The following ATP6V0D1 variants were observed in gnomAD, a reference collection of about 807,000 sequenced individuals.
ATP6V0D1 encodes ATPase H+ transporting V0 subunit d1.
Under a neutral mutation model 39.0 loss-of-function variants are expected in ATP6V0D1, and 13 were observed. The ratio of observed to expected loss-of-function variants is 0.33; its 90% confidence interval spans 0.22 to 0.53. ATP6V0D1 has a LOEUF of 0.53. Among genes scored for constraint, ATP6V0D1 ranks in the 20% least tolerant of loss-of-function variants. The pLI is 0.94. For synonymous variants in ATP6V0D1, 191 were observed against 191.2 expected, an observed-to-expected ratio of 1.00 and a Z score of 0.01; for missense variants, 272 against 470.9, an observed-to-expected ratio of 0.58 and a Z score of 3.91.
At chr16:67,474,548 C>T (rs959630305) in intron 1 of ATP6V0D1, among the ~76,000 whole-genome samples, 2 of 152,218 alleles carry the variant, frequency 1.3e-5, no homozygotes, top group African/African-American at 4.8e-5. Flanking sequence ...CATTTATTTT[C>T]AGGCTCTCCT....
At chr16:67,442,105 C>T (rs2041059447) in intron 4 of ATP6V0D1, among the ~76,000 whole-genome samples, 1 of 152,278 alleles carries the variant, frequency 6.6e-6, no homozygotes, top group Non-Finnish European at 1.5e-5. Flanking sequence ...GTGCTGGTCC[C>T]TTGCCGACAC....
At chr16:67,467,685 G>C (rs1211416737) in intron 1 of ATP6V0D1, among the ~76,000 whole-genome samples, 1 of 152,198 alleles carries the variant, frequency 6.6e-6, no homozygotes, top group Non-Finnish European at 1.5e-5. Context: ...TGGTCTGCCT[G>C]ATGCCTGGCT....
chr16:67,467,519 C>T (rs1057012763), intron 1 of ATP6V0D1, among the ~76,000 whole-genome samples: 2 of 151,994 alleles, frequency 1.3e-5, no homozygotes, highest in African/African-American at 4.8e-5. Flanking sequence ...AAAAAAAGAG[C>T]TGTCACTCAT....
At chr16:67,438,761 C>G in intron 7 of ATP6V0D1, 32 bp downstream of exon 7, 1 of 1,614,188 alleles carries the variant, frequency 6.2e-7, no homozygotes, top group Non-Finnish European at 8.5e-7. Flanking sequence ...CCAGGTTGGC[C>G]TCCCTCTGAC....
At chr16:67,471,871 G>T (rs2041376208) in intron 1 of ATP6V0D1, among the ~76,000 whole-genome samples, 2 of 151,652 alleles carry the variant, frequency 1.3e-5, no homozygotes, top group African/African-American at 4.8e-5. Flanking sequence ...CAAACTCCTG[G>T]GCTCAAGTGA....
rs2041124674 is a variant in ATP6V0D1 at position 67,447,009 on chromosome 16, CCT to C, written c.303-2305_303-2304del. Reference sequence around the variant, plus strand: ...ACACCTCCACCCATGACCAGGGCCCCCTGCCTGGCTCTACATACCCCACCTAG... The same window carrying C: ...ACACCTCCACCCATGACCAGGGCCCCGCCTGGCTCTACATACCCCACCTAG... On this transcript the variant is annotated intron_variant, in intron 2 of 7. Transcript: ENST00000290949. The surrounding 1 kb of genome is among the most constrained non-coding windows in gnomAD (Gnocchi z 4.1). Among the ~76,000 whole-genome samples, 1 of 152,176 alleles carries C rather than the reference CCT, an allele frequency of 6.6e-6. No individual in the cohort carries two copies.
chr16:67,450,248 C>CTCTCAGG (rs2041163022), intron 2 of ATP6V0D1, among the ~76,000 whole-genome samples: 1 of 152,184 alleles, frequency 6.6e-6, no homozygotes. Flanking sequence ...GAGCCAGGTG[C>CTCTCAGG]ACCATGCTCG....
chr16:67,445,638 C>T (rs961063819), intron 2 of ATP6V0D1, among the ~76,000 whole-genome samples: 9 of 152,298 alleles, frequency 5.9e-5, no homozygotes, highest in South Asian at 2.1e-4. Context: ...GATCCCAGGC[C>T]GAGGCTCCCA....
At chr16:67,465,902 CAG>C (rs2041325138) in intron 1 of ATP6V0D1, among the ~76,000 whole-genome samples, 2 of 152,150 alleles carry the variant, frequency 1.3e-5, no homozygotes, top group Admixed American at 6.5e-5. Flanking sequence ...CACGGAAAAG[CAG>C]AGAGAGAGCC....
chr16:67,438,923 C>T (rs1292474541), intron 6 of ATP6V0D1, 48 bp downstream of exon 6: 2 of 1,613,434 alleles, frequency 1.2e-6, no homozygotes, highest in Non-Finnish European at 1.7e-6. Flanking sequence ...GGTGGGGGTG[C>T]TTGGTGACAA....
chr16:67,475,841 T>C (rs2041410041), intron 1 of ATP6V0D1, among the ~76,000 whole-genome samples: 1 of 152,236 alleles, frequency 6.6e-6, no homozygotes. Context: ...TTATGGTCTC[T>C]AAATACAATT....
chr16:67,440,373 C>T (rs2041035794), intron 4 of ATP6V0D1: 1 of 152,292 alleles, frequency 6.6e-6, no homozygotes, highest in Admixed American at 6.5e-5. Context: ...CCAACGCTCA[C>T]TCACAAAAGC....
intron 1 of ATP6V0D1, among the ~76,000 whole-genome samples, chr16:67,458,272 AGGAGGGGATGTGACTG>A (rs1160982218): frequency 6.6e-6 from 1 of 152,132 alleles, no homozygotes; most frequent in African/African-American, 2.4e-5. Context: ...AGGGATGCGG[AGGAGGGGATGTGACTG>A]GGAGGGGACG....
At chr16:67,477,678 T>G (rs544212460) in intron 1 of ATP6V0D1, among the ~76,000 whole-genome samples, 2 of 152,114 alleles carry the variant, frequency 1.3e-5, no homozygotes, top group East Asian at 3.8e-4. Context: ...ATAAACAGTT[T>G]TTTTTTTTTC....
At chr16:67,463,019 G>A (rs770487199) in intron 1 of ATP6V0D1, among the ~76,000 whole-genome samples, 1 of 152,132 alleles carries the variant, frequency 6.6e-6, no homozygotes, top group Admixed American at 6.6e-5. Flanking sequence ...GCTCCCTAGA[G>A]GTGGCTGTTC....
rs1201221800 is a variant in ATP6V0D1, at chr16:67,438,427, C to G, written c.*101G>C. 1.1e-5 allele frequency: 15 copies of G among 1,425,158 alleles called. No individual in the cohort carries two copies. The Middle Eastern group carries it at 6.2e-4, about 59-fold the overall frequency. 88.3% of individuals were successfully genotyped at this position (1,425,158 alleles called of 1,614,324 possible). A position where few individuals can be genotyped will look rare whatever the true frequency, so the allele number is the denominator to read the frequency against. The stretch of plus-strand genomic sequence containing the variant: ...ACTACACCCCGGACAGGCAGGTGAG[C>G]CACAGGCTTGTCACAGACCACATAC... On this transcript the variant is annotated 3_prime_UTR_variant, in exon 8 of 8. Coordinates refer to ENST00000290949, the MANE Select transcript of ATP6V0D1 (RefSeq NM_004691.5).
rs1024188726 is a variant in ATP6V0D1, at chr16:67,444,769, C to G, written c.303-63G>C. On this transcript the variant is annotated intron_variant, in intron 2 of 7. Transcript: ENST00000290949. This position sits in a 1 kb window ranked among gnomAD's most constrained non-coding sequence, Gnocchi z 4.8. The stretch of plus-strand genomic sequence containing the variant: ...TGGGGGCCGGGAAGTCCTGGCATAG[C>G]ACCATGCCCTCGCCCGCCTGCACAG... The G allele has an allele frequency of 2.8e-6, 4 of 1,451,938 alleles. No individual in the cohort carries two copies. In the African/African-American group the frequency reaches 4.2e-5, roughly 15 times the overall value. The allele number at this position is 1,451,938 out of a possible 1,614,324, so 89.9% of individuals were successfully genotyped here. A position where few individuals can be genotyped will look rare whatever the true frequency, so the allele number is the denominator to read the frequency against.
intron 5 of ATP6V0D1, 27 bp from the exon 6 acceptor site, chr16:67,439,174 G>A: frequency 1.2e-6 from 2 of 1,613,728 alleles, no homozygotes; most frequent in African/African-American, 1.3e-5. Context: ...CAGGTAAGAA[G>A]AGAGGGAGGA....
chr16:67,468,747 AC>A (rs1284184539), intron 1 of ATP6V0D1, among the ~76,000 whole-genome samples: 1 of 152,128 alleles, frequency 6.6e-6, no homozygotes, highest in Admixed American at 6.5e-5. Flanking sequence ...AACCCTAGTC[AC>A]CCAGAAAGCC....
Sources: allele counts gnomAD v4.1 joint callset (sites outside exome capture counted in the v4.1 genomes callset), GRCh38; gene constraint gnomAD v4.1.1; non-coding constraint Gnocchi (gnomAD v3.1); transcripts MANE v1.5; gene names NCBI Gene and HGNC (gene_info 2026-07-23, HGNC 2026-07-21).